TF: variants seen among roughly 807,000 people sequenced by gnomAD.
The protein encoded by TF is serotransferrin.
TF carries 55 observed loss-of-function variants against 82.4 expected under a neutral mutation model. The ratio of observed to expected loss-of-function variants is 0.67; its 90% CI spans 0.54 to 0.84. The LOEUF is 0.84. Among genes scored for constraint, TF ranks in the 40% least tolerant of loss-of-function variants. TF has a pLI of 0.00. For missense variants in TF, 737 were observed against 868.4 expected (o/e 0.85, Z 1.90); for synonymous variants, 332 against 332.6 (o/e 1.00, Z 0.02).
chr3:133,691,843 CT>C, the TF span: 2 of 153,234 alleles, frequency 1.3e-5, no homozygotes, highest in African/African-American at 2.4e-5. Flanking sequence ...TGTGTTCTCC[CT>C]GGGGACTGGT....
chr3:133,768,784 AT>A (rs5852766), intron 13 of TF, among the ~76,000 whole-genome samples: 2,545 of 81,816 alleles, frequency 0.031, 19 homozygotes, highest in African/African-American at 0.073. Context: ...GTACCTTGCT[AT>A]TTTTTTTTTT....
chr3:133,762,972 A>G (rs1934032226), intron 9 of TF, among the ~76,000 whole-genome samples: 2 of 152,244 alleles, frequency 1.3e-5, no homozygotes, highest in Non-Finnish European at 1.5e-5. Flanking sequence ...TTAAGACATC[A>G]CCATTTTCAA....
rs1352963963 is a variant in TF, at chr3:133,784,518, TG to T, written c.*5900del. On this transcript the variant is annotated 3_prime_UTR_variant, in exon 17 of 17. Transcript: ENST00000402696. The stretch of plus-strand genomic sequence containing the variant: ...AATAATAATAATAATAGGACATAAA[TG>T]GCTTCTGGAGATGACTTTTTGCAAT... 6.7e-6 allele frequency: 1 copy of T among 150,140 alleles called. No homozygotes were observed. The highest frequency in any genetic ancestry group is 2.5e-5 in the African/African-American group (1 of 40,750). 9.3% of individuals were successfully genotyped at this position (150,140 alleles called of 1,614,324 possible).
At chr3:133,763,352 A>C (rs1352429819) in intron 9 of TF, among the ~76,000 whole-genome samples, 2 of 152,230 alleles carry the variant, frequency 1.3e-5, no homozygotes, top group African/African-American at 4.8e-5. Context: ...ACTATCTTGC[A>C]TGAATTAAGA....
the TF span, chr3:133,700,304 A>C: frequency 6.6e-6 from 1 of 152,430 alleles, no homozygotes; most frequent in African/African-American, 2.4e-5. Flanking sequence ...AACACCAGCC[A>C]GCCATTTGAA....
At chr3:133,774,861 GTTTTT>G in intron 14 of TF, 2 of 222,070 alleles carry the variant, frequency 9.0e-6, no homozygotes, top group South Asian at 1.2e-4. Context: ...GAATGGGTGA[GTTTTT>G]TTTTTTTTTC....
chr3:133,668,503 C>A, the TF span, among the ~76,000 whole-genome samples: 3 of 152,248 alleles, frequency 2.0e-5, no homozygotes, highest in East Asian at 5.8e-4. Flanking sequence ...TATGGGTCTC[C>A]ACTCCTCCCT....
At chr3:133,726,000 A>T in the TF span, among the ~76,000 whole-genome samples, 1 of 152,202 alleles carries the variant, frequency 6.6e-6, no homozygotes, top group Non-Finnish European at 1.5e-5. Context: ...CATCCCAGGG[A>T]TGAAGCCCAC....
chr3:133,703,369 C>G, the TF span, among the ~76,000 whole-genome samples: 1 of 152,106 alleles, frequency 6.6e-6, no homozygotes, highest in East Asian at 1.9e-4. Flanking sequence ...TTAGGGTAGA[C>G]AGATCTTGGA....
chr3:133,737,107 A>G, the TF span, among the ~76,000 whole-genome samples: 2 of 151,526 alleles, frequency 1.3e-5, no homozygotes, highest in East Asian at 1.9e-4. Context: ...AAGAGAAATC[A>G]TAACAGTCTC....
chr3:133,724,574 G>A, the TF span, among the ~76,000 whole-genome samples: 7 of 152,180 alleles, frequency 4.6e-5, no homozygotes, highest in South Asian at 4.1e-4. Context: ...CAGATGAGTC[G>A]GTTGCGAAAA....
the TF span, among the ~76,000 whole-genome samples, chr3:133,668,317 T>C: frequency 6.6e-6 from 1 of 152,092 alleles, no homozygotes; most frequent in East Asian, 1.9e-4. Context: ...TATTCAGATA[T>C]GGATAGAGAG....
At chr3:133,760,080 AGT>A (rs1933949405) in intron 9 of TF, among the ~76,000 whole-genome samples, 1 of 151,862 alleles carries the variant, frequency 6.6e-6, no homozygotes, top group South Asian at 2.1e-4. Context: ...GAGATGGGGG[AGT>A]ATGGTTTGCC....
At chr3:133,728,743 T>C in the TF span, among the ~76,000 whole-genome samples, 7 of 152,174 alleles carry the variant, frequency 4.6e-5, no homozygotes, top group Non-Finnish European at 8.8e-5. Flanking sequence ...CTTTTTAGAG[T>C]TTCCAGTTTT....
At chr3:133,689,922 G>A in the TF span, among the ~76,000 whole-genome samples, 1 of 151,894 alleles carries the variant, frequency 6.6e-6, no homozygotes, top group African/African-American at 2.4e-5. Flanking sequence ...TAAATGTAGT[G>A]TTTTGATACA....
upstream of TF, among the ~76,000 whole-genome samples, chr3:133,743,757 G>T (rs1275749404): frequency 6.6e-6 from 1 of 152,154 alleles, no homozygotes; most frequent in Non-Finnish European, 1.5e-5. Context: ...TAGAATTAAA[G>T]AATATAAATG....
intron 12 of TF, 74 bp from the exon 13 acceptor site, chr3:133,767,955 C>T: frequency 6.3e-7 from 1 of 1,575,442 alleles, no homozygotes; most frequent in Non-Finnish European, 8.7e-7. Flanking sequence ...GGCCATGCAG[C>T]CCTGTTATCT....
At chr3:133,720,107 CTG>C in the TF span, among the ~76,000 whole-genome samples, 1 of 152,004 alleles carries the variant, frequency 6.6e-6, no homozygotes, top group Non-Finnish European at 1.5e-5. Flanking sequence ...TCCTTCCTAA[CTG>C]TTGTTACTAG....
rs1335316185 is a variant in TF, at chr3:133,779,706, G to A, written c.*1086G>A. 6.6e-6 allele frequency: 1 copy of A among 152,326 alleles called. No homozygotes were observed. The highest frequency in any genetic ancestry group is 1.5e-5 in the Non-Finnish European group (1 of 68,198). The allele number at this position is 152,326 out of a possible 1,614,324, so 9.4% of individuals were successfully genotyped here. ...CTCCTAGGCATCTGTATCTATAGCT[G>A]TGACCCCAGCCTCCAGCAGTATCCC... On this transcript the variant is annotated 3_prime_UTR_variant, in exon 17 of 17. Transcript: ENST00000402696.
Sources: gnomAD v4.1 joint callset for allele counts (sites outside exome capture counted in the v4.1 genomes callset) on GRCh38, gnomAD v4.1.1 for gene constraint, MANE v1.5 for transcripts, NCBI Gene and HGNC (gene_info 2026-07-23, HGNC 2026-07-21) for gene names.